Variants in SULF2 observed in about 807,000 individuals in gnomAD.
SULF2 encodes extracellular sulfatase Sulf-2.
SULF2 carries 52 observed loss-of-function variants against 107.7 expected under a neutral mutation model. The ratio of observed to expected loss-of-function variants is 0.48; its 90% CI spans 0.39 to 0.61. SULF2 has a LOEUF of 0.61. SULF2 is among the 20% of genes least tolerant of loss of function. The pLI is 0.00. For synonymous variants in SULF2, 460 were observed against 464.3 expected (o/e 0.99, Z 0.12); for missense variants, 993 against 1,177.3 (o/e 0.84, Z 2.29).
At chr20:47,719,085 T>A (rs1044991076) in intron 3 of SULF2, among the ~76,000 whole-genome samples, 15 of 152,246 alleles carry the variant, frequency 9.9e-5, no homozygotes, top group Non-Finnish European at 1.9e-4. Flanking sequence ...CAATGGGAAT[T>A]ACGGATATTT....
At chr20:47,748,627 G>A (rs527551051) in intron 2 of SULF2, among the ~76,000 whole-genome samples, 2 of 152,320 alleles carry the variant, frequency 1.3e-5, no homozygotes, top group African/African-American at 4.8e-5. Context: ...TGGAGGTGCT[G>A]GTTCAACAAG....
At chr20:47,671,915 G>A (rs905433339) in intron 11 of SULF2, among the ~76,000 whole-genome samples, 1 of 152,104 alleles carries the variant, frequency 6.6e-6, no homozygotes, top group African/African-American at 2.4e-5. Context: ...TTACCATGTT[G>A]GCCAGGCTGG....
Position 47,680,040 on chromosome 20 carries a change from G to T in SULF2, c.1065-1236C>A, listed in dbSNP as rs2087773314. On this transcript the variant is annotated intron_variant, in intron 7 of 20. Transcript: ENST00000688720. This position sits in a 1 kb window ranked among gnomAD's most constrained non-coding sequence, Gnocchi z 4.2. ...TGTATCTCCAGGACTTATACCCTTA[G>T]AACACAGAGGAGCTACTCAGTAAAT... is the stretch of plus-strand genomic sequence containing the variant. 6.6e-6 allele frequency among the ~76,000 whole-genome samples: 1 copy of T among 152,178 alleles called. No individual in the cohort carries two copies.
At position 47,746,990 on chromosome 20, in the gene SULF2, AAAAAAT is replaced by A. The variant is rs1568895333; in HGVS notation, c.176-10054_176-10049del. ...CCTAGAACTTAAATAAATAAAAAAA[AAAAAAT>A]ATATATATATATATATATATATACA... On this transcript the variant is annotated intron_variant, in intron 2 of 20. Coordinates refer to ENST00000688720, the MANE Select transcript of SULF2 (RefSeq NM_001387048.1). Among the ~76,000 whole-genome samples, 57 of 64,850 alleles carry A rather than the reference AAAAAAT, an allele frequency of 8.8e-4. 1 individual carries two copies. Among genetic ancestry groups the A allele is most frequent in the Admixed American group, 6.3e-4 (3 of 4,760 alleles). 42.5% of individuals were successfully genotyped at this position (64,850 alleles called of 152,430 possible). A position where few individuals can be genotyped will look rare whatever the true frequency, so the allele number is the denominator to read the frequency against.
chr20:47,724,277 G>A lies in SULF2; in HGVS notation c.415+12426C>T, dbSNP rs564313693. ...GGAGAAGGAATGGCCAGTTGCTGGG[G>A]ACAAACAGGGACAAGCAGATCGCCA... On this transcript the variant is annotated intron_variant, in intron 3 of 20. Transcript: ENST00000688720. 4.6e-5 allele frequency among the ~76,000 whole-genome samples: 7 copies of A among 152,372 alleles called. No individual in the cohort carries two copies. The South Asian group carries it at 1.4e-3, about 32-fold the overall frequency.
chr20:47,690,313 A>T lies in SULF2; in HGVS notation c.568-18T>A. The T allele has an allele frequency of 7.0e-7, 1 of 1,437,734 alleles. No homozygotes were observed. Among genetic ancestry groups the T allele is most frequent in the East Asian group, 2.6e-5 (1 of 38,480 alleles). 89.1% of individuals were successfully genotyped at this position (1,437,734 alleles called of 1,614,324 possible). The stretch of plus-strand genomic sequence containing the variant: ...AGGTAATCCTGGGGGGTGGGGAGAG[A>T]CAGGAGAACAGGTGAGGAGCCAGGT... On this transcript the variant is annotated intron_variant, in intron 4 of 20. Transcript: ENST00000688720.
intron 2 of SULF2, among the ~76,000 whole-genome samples, chr20:47,743,933 T>C (rs2094997): frequency 0.84 from 128,302 of 152,198 alleles, 54,442 homozygotes; most frequent in East Asian, 0.97. Context: ...CAAATATCAC[T>C]TTCTCAGCAA....
At chr20:47,747,166 G>T (rs2090064589) in intron 2 of SULF2, among the ~76,000 whole-genome samples, 1 of 152,126 alleles carries the variant, frequency 6.6e-6, no homozygotes, top group Middle Eastern at 3.4e-3. Context: ...AGAGGTTGTT[G>T]TTTTTCTTTT....
intron 2 of SULF2, among the ~76,000 whole-genome samples, chr20:47,747,450 A>G: frequency 6.6e-6 from 1 of 152,152 alleles, no homozygotes; most frequent in East Asian, 1.9e-4. Flanking sequence ...CGTCAACCAT[A>G]GCAGAGAGGT....
intron 19 of SULF2, 113 bp from the exon 20 acceptor site, chr20:47,659,565 G>T: frequency 7.2e-7 from 1 of 1,382,872 alleles, no homozygotes; most frequent in Non-Finnish European, 1.0e-6. Flanking sequence ...TTTGGTGGGT[G>T]ATCCTGGTCT....
At position 47,754,487 on chromosome 20, in the gene SULF2, T is replaced by TGCCTCCTGAAGGAGGCTTA. The variant is rs1555856689; in HGVS notation, c.175+2701_175+2702insTAAGCCTCCTTCAGGAGGC. 1.3e-3 allele frequency among the ~76,000 whole-genome samples: 199 copies of TGCCTCCTGAAGGAGGCTTA among 152,174 alleles called. 1 individual carries two copies. The highest frequency in any genetic ancestry group is 0.01 in the Middle Eastern group (3 of 294). ...CTCCCACAACCACCTTCCCATCCCT[T>TGCCTCCTGAAGGAGGCTTA]GCCTCCTTCAAAACCCAGTGCTGCT... On this transcript the variant is annotated intron_variant, in intron 2 of 20. Transcript: ENST00000688720.
chr20:47,749,329 TC>T (rs2090113328), intron 2 of SULF2, among the ~76,000 whole-genome samples: 1 of 152,230 alleles, frequency 6.6e-6, no homozygotes. Context: ...CTTCCAGAAC[TC>T]AAGTGATCTC....
intron 1 of SULF2, among the ~76,000 whole-genome samples, chr20:47,762,702 A>AG (rs1481886040): frequency 6.6e-6 from 1 of 152,176 alleles, no homozygotes; most frequent in Non-Finnish European, 1.5e-5. Context: ...GCCAGGGTAC[A>AG]GGGGGGCTGG....
intron 5 of SULF2, among the ~76,000 whole-genome samples, chr20:47,687,785 G>A (rs1415987793): frequency 6.6e-6 from 1 of 151,666 alleles, no homozygotes; most frequent in Non-Finnish European, 1.5e-5. Flanking sequence ...ATAGCTCACT[G>A]CAGCCTCGAC....
rs6094828 is a variant in SULF2 at position 47,769,424 on chromosome 20, C to T, written c.-100-11961G>A. 1.8e-3 allele frequency among the ~76,000 whole-genome samples: 276 copies of T among 150,670 alleles called. 2 individuals are homozygous for T. Among genetic ancestry groups the T allele is most frequent in the Middle Eastern group, 6.9e-3 (2 of 290 alleles). On this transcript the variant is annotated intron_variant, in intron 1 of 20. Transcript: ENST00000688720. ...TGTTGGCCAGGCTGGTCTCAAACTC[C>T]TGACCTCAAGTGATCTGCCCACCTT...
intron 1 of SULF2, among the ~76,000 whole-genome samples, chr20:47,763,344 G>A (rs530249224): frequency 6.6e-6 from 1 of 152,250 alleles, no homozygotes; most frequent in East Asian, 1.9e-4. Flanking sequence ...CTGAGTGACT[G>A]ATGCCCTCAC....
intron 13 of SULF2, among the ~76,000 whole-genome samples, chr20:47,665,536 T>C (rs572821184): frequency 5.4e-4 from 82 of 152,328 alleles, no homozygotes; most frequent in African/African-American, 1.9e-3. Flanking sequence ...CGGCCTGGCC[T>C]GCGCAGGAAC....
At chr20:47,777,973 C>CAAAA (rs11322737) in intron 1 of SULF2, among the ~76,000 whole-genome samples, 16 of 132,602 alleles carry the variant, frequency 1.2e-4, no homozygotes, top group African/African-American at 4.5e-4. Context: ...TCATCTCTAC[C>CAAAA]AAAAAAAAAA....
rs146224843 is a variant in SULF2, at chr20:47,684,213, CGTATTGG to C, written c.888+211_888+217del. The C allele has an allele frequency of 4.4e-3, 2,055 of 471,346 alleles. 29 individuals are homozygous for C. The highest frequency in any genetic ancestry group is 0.03 in the African/African-American group (1,506 of 49,730). The allele number at this position is 471,346 out of a possible 1,614,324, so 29.2% of individuals were successfully genotyped here. ...AAATATAACTAGCATATATGGTTACCGTATTGGGCAACACAGATCTAGAAAATGTTTC... is the reference window on the plus strand; with the variant it reads ...AAATATAACTAGCATATATGGTTACCGCAACACAGATCTAGAAAATGTTTC... On this transcript the variant is annotated intron_variant, in intron 6 of 20. Coordinates refer to ENST00000688720, the MANE Select transcript of SULF2 (RefSeq NM_001387048.1).
Sources: allele counts gnomAD v4.1 joint callset (sites outside exome capture counted in the v4.1 genomes callset), GRCh38; gene constraint gnomAD v4.1.1; non-coding constraint Gnocchi (gnomAD v3.1); transcripts MANE v1.5; gene names NCBI Gene and HGNC (gene_info 2026-07-23, HGNC 2026-07-21).